Variants in CPEB2 observed in about 807,000 individuals in gnomAD.
The protein encoded by CPEB2 is cytoplasmic polyadenylation element-binding protein 2.
In CPEB2, 56 loss-of-function variants were observed where a neutral mutation model predicts 93.6. The observed-to-expected ratio is 0.60, with a 90% confidence interval of 0.48 to 0.75. CPEB2 has a LOEUF of 0.75. Ranked by LOEUF, CPEB2 falls within the 30% of genes least tolerant of loss-of-function variation. The probability of loss-of-function intolerance (pLI) is 0.00; values close to 1 mark genes in which losing one functional copy is unlikely to be tolerated. For missense variants in CPEB2, 1,579 were observed against 1,395.1 expected (o/e 1.13, Z -2.10); for synonymous variants, 764 against 586.3 (o/e 1.30, Z -4.38).
Position 15,007,391 on chromosome 4 carries a change from A to C in CPEB2, c.1749A>C (p.Arg583Ser), listed in dbSNP as rs1722956279. 6.2e-7 allele frequency: 1 copy of C among 1,613,734 alleles called. No homozygotes were observed. Residue 583 changes from arginine to serine, a missense_variant, in exon 2 of 12, where the codon AGA (arginine) becomes AGC (serine). Transcript: ENST00000538197. The part of the protein sequence containing the change: ...GSMSWGAMHG[R>S]DHRRTGNMGI... Reference sequence around the variant, plus strand: ...TGTCCTGGGGAGCAATGCATGGCAGAGATCATCGTAGAACCGGAAACATGG... The same window carrying C: ...TGTCCTGGGGAGCAATGCATGGCAGCGATCATCGTAGAACCGGAAACATGG...
chr4:15,034,723 G>C (rs529184187), intron 5 of CPEB2, among the ~76,000 whole-genome samples: 1 of 152,272 alleles, frequency 6.6e-6, no homozygotes, highest in East Asian at 1.9e-4. Context: ...TTGGTTGAGA[G>C]TGAAGCAAAA....
At position 15,067,759 on chromosome 4, in the gene CPEB2, C is replaced by T. The variant is rs1212705793; in HGVS notation, c.*1379C>T. 1.3e-5 allele frequency: 2 copies of T among 152,378 alleles called. No individual in the cohort carries two copies. The highest frequency in any genetic ancestry group is 4.8e-5 in the African/African-American group (2 of 41,414). The allele number at this position is 152,378 out of a possible 1,614,324, so 9.4% of individuals were successfully genotyped here. On this transcript the variant is annotated 3_prime_UTR_variant, in exon 12 of 12. Coordinates refer to ENST00000538197, the MANE Select transcript of CPEB2 (RefSeq NM_001177382.2). ...AATGGTGAAATCTGGCTTGAACTTGCTTATGTGTTTAACCTATAAATATTG... is the reference window on the plus strand; with the variant it reads ...AATGGTGAAATCTGGCTTGAACTTGTTTATGTGTTTAACCTATAAATATTG...
At chr4:15,047,093 T>A (rs903460216) in intron 6 of CPEB2, among the ~76,000 whole-genome samples, 4 of 152,204 alleles carry the variant, frequency 2.6e-5, no homozygotes, top group African/African-American at 9.6e-5. Flanking sequence ...TGACTGTACA[T>A]GTATAGGCCC....
intron 6 of CPEB2, among the ~76,000 whole-genome samples, chr4:15,042,094 T>G (rs1385263141): frequency 6.6e-6 from 1 of 152,322 alleles, no homozygotes; most frequent in East Asian, 1.9e-4. Context: ...TTCAGTTCTC[T>G]GAAACACAAC....
chr4:15,006,195 A>G (rs936199284), intron 1 of CPEB2, among the ~76,000 whole-genome samples: 2 of 152,194 alleles, frequency 1.3e-5, no homozygotes, highest in Non-Finnish European at 2.9e-5. Flanking sequence ...AGGAAAGAGT[A>G]ATAATATACT....
At chr4:15,034,643 A>T (rs1236209381) in intron 5 of CPEB2, among the ~76,000 whole-genome samples, 1 of 152,202 alleles carries the variant, frequency 6.6e-6, no homozygotes, top group East Asian at 1.9e-4. Context: ...AGGACATGAA[A>T]ATGTGTTTAC....
chr4:15,064,277 G>A (rs1249499908), intron 11 of CPEB2, among the ~76,000 whole-genome samples: 1 of 152,050 alleles, frequency 6.6e-6, no homozygotes, highest in South Asian at 2.1e-4. Context: ...GAAGTGTAGT[G>A]TTAATGAAAC....
chr4:15,004,399 G>T (rs1346338144), intron 1 of CPEB2, 64 bp downstream of exon 1: 6 of 1,248,690 alleles, frequency 4.8e-6, no homozygotes, highest in Non-Finnish European at 6.3e-6. Flanking sequence ...GGACGGAGGC[G>T]GGGGCAGGGC....
intron 2 of CPEB2, among the ~76,000 whole-genome samples, chr4:15,008,122 T>C (rs1723058119): frequency 6.6e-6 from 1 of 152,148 alleles, no homozygotes; most frequent in African/African-American, 2.4e-5. Flanking sequence ...TGATTAGACT[T>C]TTTTTTTCTT....
intron 4 of CPEB2, among the ~76,000 whole-genome samples, chr4:15,031,265 T>C (rs1312486985): frequency 6.6e-6 from 1 of 152,020 alleles, no homozygotes; most frequent in Non-Finnish European, 1.5e-5. Flanking sequence ...TGCCATTTTG[T>C]AGGAGTTTGT....
Position 15,004,159 on chromosome 4 carries a change from G to C in CPEB2, c.1486G>C (p.Ala496Pro). The C allele has an allele frequency of 1.9e-6, 2 of 1,074,964 alleles. No individual in the cohort carries two copies. Among genetic ancestry groups the C allele is most frequent in the Non-Finnish European group, 2.4e-6 (2 of 829,678 alleles). 66.6% of individuals were successfully genotyped at this position (1,074,964 alleles called of 1,614,324 possible). A position where few individuals can be genotyped will look rare whatever the true frequency, so the allele number is the denominator to read the frequency against. ...GGFGGPFSAT[A>P]VPPPPPPAMN... ...CTTCGGCGGCCCCTTCTCGGCTACC[G>C]CTGTGCCCCCTCCGCCGCCGCCCGC... The change falls in exon 1 of 12, where the codon GCT becomes CCT. Residue 496 changes from alanine to proline, a missense_variant. Ala to Pro is a conservative substitution (Grantham distance 27). Around this residue, in one of 2 missense-constraint regions of CPEB2, gnomAD observed 1,411 missense variants for 1,056.0 expected, o/e 1.34. Coordinates refer to ENST00000538197, the MANE Select transcript of CPEB2 (RefSeq NM_001177382.2).
intron 5 of CPEB2, among the ~76,000 whole-genome samples, chr4:15,034,719 G>A (rs1471798338): frequency 6.6e-6 from 1 of 152,162 alleles, no homozygotes; most frequent in African/African-American, 2.4e-5. Context: ...ATCATTGGTT[G>A]AGAGTGAAGC....
chr4:15,030,059 A>G (rs920488661), intron 4 of CPEB2, among the ~76,000 whole-genome samples: 3 of 152,026 alleles, frequency 2.0e-5, no homozygotes, highest in Non-Finnish European at 2.9e-5. Flanking sequence ...TGATGACCCT[A>G]TTATTGACAG....
chr4:15,021,631 T>G (rs1178753572), intron 4 of CPEB2, among the ~76,000 whole-genome samples: 1 of 152,152 alleles, frequency 6.6e-6, no homozygotes, highest in Non-Finnish European at 1.5e-5. Flanking sequence ...AGAAATGTAG[T>G]TTATGTAACG....
rs1164341012 is a variant in CPEB2, at chr4:15,058,469, T to C, written c.2510T>C (p.Ile837Thr). 10 of 1,613,040 alleles carry C rather than the reference T, an allele frequency of 6.2e-6. No individual in the cohort carries two copies. Among genetic ancestry groups the C allele is most frequent in the East Asian group, 2.2e-5 (1 of 44,830 alleles). Residue 837 changes from isoleucine to threonine, a missense_variant, in exon 9 of 12, where the codon ATT becomes ACT. Ile to Thr is a moderately conservative substitution (Grantham distance 89, BLOSUM62 -1). Coordinates refer to ENST00000538197, the MANE Select transcript of CPEB2 (RefSeq NM_001177382.2). The stretch of plus-strand genomic sequence containing the variant: ...GAAGAGAGCTCAGTTCAGGCACTCA[T>C]TGATGCTTGTATTGAAGAAGATGGA... ...FQEESSVQAL[I>T]DACIEEDGKL...
chr4:15,010,294 T>C lies in CPEB2; in HGVS notation c.2034+1867T>C, dbSNP rs114654758. Among the ~76,000 whole-genome samples the C allele has an allele frequency of 2.9e-3, 447 of 152,270 alleles. 5 individuals are homozygous for C. Among genetic ancestry groups the C allele is most frequent in the African/African-American group, 0.011 (442 of 41,554 alleles). Reference sequence around the variant, plus strand: ...CCTTTCCAGCCAGCTTTTAACACTTTCTCTGATCTGTTTTGGCCATTTCTT... The same window carrying C: ...CCTTTCCAGCCAGCTTTTAACACTTCCTCTGATCTGTTTTGGCCATTTCTT... On this transcript the variant is annotated intron_variant, in intron 3 of 11. Transcript: ENST00000538197.
At position 15,034,605 on chromosome 4, in the gene CPEB2, C is replaced by T. The variant is rs142153173; in HGVS notation, c.2176+1394C>T. Among the ~76,000 whole-genome samples the T allele has an allele frequency of 7.1e-3, 1,080 of 152,170 alleles. 9 individuals are homozygous for T. Among genetic ancestry groups the T allele is most frequent in the South Asian group, 0.014 (69 of 4,824 alleles). On this transcript the variant is annotated intron_variant, in intron 5 of 11. Transcript: ENST00000538197. ...ATTCTGAACTTTTTCTGGCAAGGTA[C>T]TAGCGGGGAGAAAAAGATAATGAAA...
chr4:15,007,653 G>A, intron 2 of CPEB2, 67 bp downstream of exon 2: 1 of 1,015,718 alleles, frequency 9.8e-7, no homozygotes. Flanking sequence ...TTGGGTGGTG[G>A]TGGTAGTGGT....
chr4:15,044,475 G>A (rs1727472310), intron 6 of CPEB2, among the ~76,000 whole-genome samples: 2 of 152,002 alleles, frequency 1.3e-5, no homozygotes, highest in Non-Finnish European at 1.5e-5. Context: ...TAATTTTAAA[G>A]CATATATATC....
Sources: gnomAD v4.1 joint callset for allele counts (sites outside exome capture counted in the v4.1 genomes callset) on GRCh38, gnomAD v4.1.1 for gene constraint, gnomAD v4.1.1 regional missense constraint, MANE v1.5 for transcripts, NCBI Gene and HGNC (gene_info 2026-07-23, HGNC 2026-07-21) for gene names.